The following SWAP70 variants were observed in gnomAD, a reference collection of about 807,000 sequenced individuals.
The protein encoded by SWAP70 is switching B cell complex subunit SWAP70, also known as switch-associated protein 70.
SWAP70 carries 34 observed loss-of-function variants against 80.2 expected under a neutral mutation model. That is an observed-to-expected ratio of 0.42 (90% confidence interval 0.32 to 0.56). SWAP70 has a LOEUF of 0.56. SWAP70 is among the 20% of genes least tolerant of loss of function. The pLI is 0.09. For synonymous variants in SWAP70, 239 were observed against 238.5 expected (o/e 1.00, Z -0.02); for missense variants, 578 against 690.7 (o/e 0.84, Z 1.83).
In SWAP70 at chr11:9,664,185, G is replaced by A. The variant is rs369572366; in HGVS notation, c.6G>A (p.Gly2=). 52 of 1,579,058 alleles carry A rather than the reference G, an allele frequency of 3.3e-5. No homozygotes were observed. The African/African-American group carries it at 6.5e-4, about 20-fold the overall frequency. Residue 2 remains glycine, a synonymous_variant, in exon 1 of 12, where the codon GGG becomes GGA. Coordinates refer to ENST00000318950, the MANE Select transcript of SWAP70 (RefSeq NM_015055.4). M[G]SLKEELLKAI... The stretch of plus-strand genomic sequence containing the variant: ...GGGGCAGCAGGGCCGCGGCCATGGG[G>A]AGCTTGAAGGAGGAGCTGCTCAAAG...
At chr11:9,712,008 C>G (rs1188072898) in intron 2 of SWAP70, among the ~76,000 whole-genome samples, 2 of 152,122 alleles carry the variant, frequency 1.3e-5, no homozygotes, top group East Asian at 1.9e-4. Context: ...CTGGAATACC[C>G]TTTATCCCAT....
intron 6 of SWAP70, among the ~76,000 whole-genome samples, chr11:9,731,489 A>G (rs1030557382): frequency 1.3e-5 from 2 of 152,356 alleles, no homozygotes; most frequent in South Asian, 2.1e-4. Context: ...TCAAAATGAC[A>G]TAGATTGCAA....
Position 9,664,248 on chromosome 11 carries a change from C to T in SWAP70, c.69C>T (p.His23=), listed in dbSNP as rs763961727. 7.5e-6 allele frequency: 12 copies of T among 1,591,364 alleles called. No individual in the cohort carries two copies. The highest frequency in any genetic ancestry group is 5.2e-5 in the Admixed American group (3 of 57,364). The change falls in exon 1 of 12, where the codon CAC becomes CAT. Residue 23 remains histidine, a synonymous_variant. Coordinates refer to ENST00000318950, the MANE Select transcript of SWAP70 (RefSeq NM_015055.4). ...CCTTCACCGCACTCGACCAGGACCA[C>T]AGCGGCAAGGTCTCCAAGTCCCAGC... ...WHAFTALDQD[H]SGKVSKSQLK... is the part of the protein sequence containing the mutation.
At chr11:9,724,918 C>CTTTA (rs1339627129) in intron 4 of SWAP70, 33 bp downstream of exon 4, 1 of 1,365,344 alleles carries the variant, frequency 7.3e-7, no homozygotes, top group African/African-American at 1.5e-5. Flanking sequence ...TTTTTCTCAT[C>CTTTA]TTTAGAATTT....
intron 2 of SWAP70, among the ~76,000 whole-genome samples, chr11:9,697,228 A>G (rs984517841): frequency 2.0e-5 from 3 of 151,950 alleles, no homozygotes; most frequent in Non-Finnish European, 2.9e-5. Flanking sequence ...AGCATTTATA[A>G]TAATAATTTA....
At chr11:9,679,833 A>G (rs955016451) in intron 1 of SWAP70, among the ~76,000 whole-genome samples, 1 of 151,546 alleles carries the variant, frequency 6.6e-6, no homozygotes, top group East Asian at 1.9e-4. Context: ...CACGCCTGGC[A>G]AATTTTTTTG....
Position 9,724,858 on chromosome 11 carries a change from T to C in SWAP70, c.615T>C (p.Asn205=), listed in dbSNP as rs1254833533. ...TVSMAINEVF[N]ELILDVLKQG... ...CTATGGCAATTAATGAAGTCTTTAA[T>C]GAACTTATATTAGATGTGTTAAAGC... Residue 205 remains asparagine, a synonymous_variant, in exon 4 of 12, where the codon AAT becomes AAC. Transcript: ENST00000318950. The C allele has an allele frequency of 6.2e-7, 1 of 1,611,854 alleles. No individual in the cohort carries two copies. Among genetic ancestry groups the C allele is most frequent in the Non-Finnish European group, 8.5e-7 (1 of 1,177,946 alleles).
At chr11:9,737,789 G>T (rs780646373) in intron 7 of SWAP70, among the ~76,000 whole-genome samples, 2 of 152,184 alleles carry the variant, frequency 1.3e-5, no homozygotes, top group Non-Finnish European at 2.9e-5. Flanking sequence ...CCGGCTACTC[G>T]GGAGGCTGAG....
intron 1 of SWAP70, among the ~76,000 whole-genome samples, chr11:9,686,776 T>A (rs1850638718): frequency 5.3e-5 from 8 of 152,318 alleles, no homozygotes; most frequent in Middle Eastern, 3.4e-3. Context: ...TATTTAACCA[T>A]TTCCTATTCA....
rs554866361 is a variant in SWAP70 at position 9,682,857 on chromosome 11, A to G, written c.100-11289A>G. On this transcript the variant is annotated intron_variant, in intron 1 of 11. Transcript: ENST00000318950. ...ACGCCCAGCTAATTTTTATGTTTTT[A>G]GTAGATACAGGGTTTTTGCCATGTT... 6.6e-5 allele frequency among the ~76,000 whole-genome samples: 10 copies of G among 152,108 alleles called. No individual in the cohort carries two copies. The South Asian group carries it at 1.9e-3, about 28-fold the overall frequency.
At chr11:9,742,972 A>G (rs1268434723) in intron 9 of SWAP70, among the ~76,000 whole-genome samples, 2 of 149,846 alleles carry the variant, frequency 1.3e-5, no homozygotes, top group African/African-American at 4.9e-5. Flanking sequence ...ATATGTATAC[A>G]TGTGCCATGC....
intron 2 of SWAP70, among the ~76,000 whole-genome samples, chr11:9,703,890 C>T (rs1266360956): frequency 6.6e-6 from 1 of 152,086 alleles, no homozygotes; most frequent in East Asian, 1.9e-4. Context: ...AGAACTGGGA[C>T]TCAGGAAAGA....
intron 9 of SWAP70, among the ~76,000 whole-genome samples, chr11:9,747,605 A>T (rs190079077): frequency 2.2e-3 from 341 of 152,390 alleles, no homozygotes; most frequent in Non-Finnish European, 3.5e-3. Flanking sequence ...TTCCTGGCAC[A>T]CATTAAACTC....
chr11:9,672,805 A>T (rs1230171796), intron 1 of SWAP70, among the ~76,000 whole-genome samples: 1 of 152,122 alleles, frequency 6.6e-6, no homozygotes, highest in Non-Finnish European at 1.5e-5. Flanking sequence ...TATATACCTA[A>T]TTTTTAACAA....
intron 3 of SWAP70, among the ~76,000 whole-genome samples, chr11:9,720,898 C>T (rs1310719608): frequency 6.6e-6 from 1 of 152,240 alleles, no homozygotes; most frequent in Non-Finnish European, 1.5e-5. Context: ...TCACTGCAAT[C>T]TCTGCCTCCT....
chr11:9,717,934 C>A (rs1383979638), intron 3 of SWAP70, among the ~76,000 whole-genome samples: 1 of 152,182 alleles, frequency 6.6e-6, no homozygotes, highest in African/African-American at 2.4e-5. Context: ...GAGCCACAGG[C>A]TGTGAAGGGA....
intron 1 of SWAP70, among the ~76,000 whole-genome samples, chr11:9,671,620 C>CTA (rs1554982522): frequency 2.4e-4 from 5 of 20,612 alleles, no homozygotes; most frequent in Non-Finnish European, 3.9e-4. Flanking sequence ...AAATATATTT[C>CTA]TATATAAATA....
At chr11:9,677,796 G>A (rs184720924) in intron 1 of SWAP70, among the ~76,000 whole-genome samples, 1 of 152,140 alleles carries the variant, frequency 6.6e-6, no homozygotes, top group African/African-American at 2.4e-5. Context: ...TTACAACTCT[G>A]GTGTAGATCT....
At chr11:9,731,832 A>T (rs1209021266) in intron 6 of SWAP70, among the ~76,000 whole-genome samples, 2 of 152,158 alleles carry the variant, frequency 1.3e-5, no homozygotes, top group Admixed American at 6.5e-5. Flanking sequence ...TACTTGAGGG[A>T]CAGGAGTAGG....
Sources: gnomAD v4.1 joint callset for allele counts (sites outside exome capture counted in the v4.1 genomes callset) on GRCh38, gnomAD v4.1.1 for gene constraint, MANE v1.5 for transcripts, NCBI Gene and HGNC (gene_info 2026-07-23, HGNC 2026-07-21) for gene names.